Variants in DAB1 observed in about 807,000 individuals in gnomAD.
DAB1 encodes disabled homolog 1.
Under a neutral mutation model 64.6 loss-of-function variants are expected in DAB1, and 15 were observed. The ratio of observed to expected loss-of-function variants is 0.23; its 90% CI spans 0.16 to 0.36. DAB1 has a LOEUF of 0.36. Ranked by LOEUF, DAB1 falls within the 10% of genes least tolerant of loss-of-function variation. DAB1 has a pLI of 1.00. For synonymous variants in DAB1, 235 were observed against 251.9 expected (o/e 0.93, Z 0.64); for missense variants, 596 against 706.7 (o/e 0.84, Z 1.78).
At chr1:57,926,898 G>A (rs1260889874) in intron 5 of DAB1, among the ~76,000 whole-genome samples, 2 of 152,128 alleles carry the variant, frequency 1.3e-5, no homozygotes, top group Non-Finnish European at 2.9e-5. Flanking sequence ...AATTACCTTT[G>A]ATAATATAGT....
chr1:58,364,975 A>G (rs1644203557), intron 3 of DAB1, among the ~76,000 whole-genome samples: 1 of 152,168 alleles, frequency 6.6e-6, no homozygotes, highest in Non-Finnish European at 1.5e-5. Flanking sequence ...AACTTTTACC[A>G]TGAGATATGC....
intron 5 of DAB1, among the ~76,000 whole-genome samples, chr1:58,143,478 A>G (rs1654398522): frequency 6.6e-6 from 1 of 152,140 alleles, no homozygotes; most frequent in South Asian, 2.1e-4. Flanking sequence ...AATATTTACC[A>G]CCAGAAGTTC....
At chr1:57,702,646 C>T (rs539666383) in intron 6 of DAB1, among the ~76,000 whole-genome samples, 3 of 152,196 alleles carry the variant, frequency 2.0e-5, no homozygotes, top group African/African-American at 4.8e-5. Context: ...TTAGTCATTT[C>T]GGTATCATCA....
At chr1:58,257,666 T>C (rs1660963076) in intron 4 of DAB1, among the ~76,000 whole-genome samples, 1 of 152,188 alleles carries the variant, frequency 6.6e-6, no homozygotes, top group Non-Finnish European at 1.5e-5. Flanking sequence ...GCTGCACAAA[T>C]AAAATACTTC....
Position 58,480,278 on chromosome 1 carries a change from CA to C in DAB1, n.257+25781del, listed in dbSNP as rs1254564695. Among the ~76,000 whole-genome samples the C allele has an allele frequency of 5.9e-5, 9 of 152,168 alleles. No individual in the cohort carries two copies. In the East Asian group the frequency reaches 1.7e-3, roughly 29 times the overall value. On this transcript the variant is annotated intron_variant and non_coding_transcript_variant, in intron 3 of 20. Coordinates refer to the DAB1 transcript ENST00000485760. ...TTCTTCTCTGGGAACCCGAGATTCC[CA>C]AATGGTAATCTCATGGAGCAACCAA...
At chr1:57,587,833 C>T (rs1645398619) in intron 7 of DAB1, among the ~76,000 whole-genome samples, 2 of 152,224 alleles carry the variant, frequency 1.3e-5, no homozygotes, top group African/African-American at 4.8e-5. Flanking sequence ...AGACATCAGT[C>T]ATACTAGGAG....
chr1:58,141,811 C>T (rs543606172), intron 5 of DAB1, among the ~76,000 whole-genome samples: 68 of 152,246 alleles, frequency 4.5e-4, no homozygotes, highest in African/African-American at 1.6e-3. Flanking sequence ...GTAGAGGGAA[C>T]AGCTTGGACA....
chr1:57,281,965 T>G (rs1038837066), intron 2 of DAB1, among the ~76,000 whole-genome samples: 3 of 151,940 alleles, frequency 2.0e-5, no homozygotes, highest in Non-Finnish European at 2.9e-5. Flanking sequence ...GCCGATTAGC[T>G]GAGGTCAGAA....
At chr1:57,282,563 T>G (rs890045943) in intron 2 of DAB1, among the ~76,000 whole-genome samples, 1 of 152,084 alleles carries the variant, frequency 6.6e-6, no homozygotes, top group Non-Finnish European at 1.5e-5. Flanking sequence ...CTGAAACAGT[T>G]TATCTTCAGT....
chr1:57,794,057 T>G (rs1350965282), intron 6 of DAB1, among the ~76,000 whole-genome samples: 1 of 152,178 alleles, frequency 6.6e-6, no homozygotes, highest in Admixed American at 6.5e-5. Context: ...TGGTGATGGA[T>G]CCTCCTTGAA....
chr1:58,009,215 T>C (rs886992141), intron 5 of DAB1, among the ~76,000 whole-genome samples: 1 of 152,164 alleles, frequency 6.6e-6, no homozygotes, highest in African/African-American at 2.4e-5. Flanking sequence ...AAGTCCAGGA[T>C]CATATTCCTA....
intron 1 of DAB1, among the ~76,000 whole-genome samples, chr1:57,333,772 G>A (rs1313580465): frequency 6.6e-6 from 1 of 152,108 alleles, no homozygotes; most frequent in Non-Finnish European, 1.5e-5. Context: ...AACAGCTCTG[G>A]CACATATTAA....
At chr1:57,038,128 A>G (rs1357460636) in intron 9 of DAB1, among the ~76,000 whole-genome samples, 1 of 152,232 alleles carries the variant, frequency 6.6e-6, no homozygotes. Context: ...GGTGCTTCCT[A>G]AATACTAGAC....
At chr1:57,472,675 T>G (rs1271295766) in intron 7 of DAB1, among the ~76,000 whole-genome samples, 1 of 152,122 alleles carries the variant, frequency 6.6e-6, no homozygotes, top group African/African-American at 2.4e-5. Flanking sequence ...CTTAGAGTTG[T>G]GAGCCCTTAA....
chr1:58,217,370 G>A (rs1325893027), intron 4 of DAB1, among the ~76,000 whole-genome samples: 2 of 152,196 alleles, frequency 1.3e-5, no homozygotes, highest in African/African-American at 2.4e-5. Context: ...TCTGGTGTCT[G>A]CAGAGTAGAG....
chr1:58,233,771 G>A (rs1659891938), intron 4 of DAB1, among the ~76,000 whole-genome samples: 1 of 152,112 alleles, frequency 6.6e-6, no homozygotes, highest in African/African-American at 2.4e-5. Flanking sequence ...CAGACCATAA[G>A]AATTTGAAAT....
At chr1:58,075,990 A>G (rs1057287111) in intron 5 of DAB1, among the ~76,000 whole-genome samples, 1 of 152,086 alleles carries the variant, frequency 6.6e-6, no homozygotes, top group East Asian at 1.9e-4. Flanking sequence ...CTTCATTTCC[A>G]AATTTCTAGA....
chr1:57,259,850 C>G (rs1670049496), intron 2 of DAB1, among the ~76,000 whole-genome samples: 1 of 152,204 alleles, frequency 6.6e-6, no homozygotes, highest in African/African-American at 2.4e-5. Context: ...AAGGTTTTCA[C>G]AGCTTTCCAG....
At position 58,519,899 on chromosome 1, in the gene DAB1, C is replaced by T. The variant is rs142891855; in HGVS notation, n.107+7362G>A. On this transcript the variant is annotated intron_variant and non_coding_transcript_variant, in intron 2 of 20. Transcript: ENST00000485760. ...GTAACTGAAATTTAAAACTCAAATACGAATTTAATGTAGAACAAATACAGC... is the reference window on the plus strand; with the variant it reads ...GTAACTGAAATTTAAAACTCAAATATGAATTTAATGTAGAACAAATACAGC... 3.9e-5 allele frequency among the ~76,000 whole-genome samples: 6 copies of T among 152,166 alleles called. No homozygotes were observed. The East Asian group carries it at 7.7e-4, about 20-fold the overall frequency.
Sources: gnomAD v4.1 joint callset for allele counts (sites outside exome capture counted in the v4.1 genomes callset) on GRCh38, gnomAD v4.1.1 for gene constraint, MANE v1.5 for transcripts, NCBI Gene and HGNC (gene_info 2026-07-23, HGNC 2026-07-21) for gene names.